The following IL7 variants were observed in gnomAD, a reference collection of about 807,000 sequenced individuals.
IL7 encodes the protein interleukin-7.
Under a neutral mutation model 21.6 loss-of-function variants are expected in IL7, and 3 were observed. That is an observed-to-expected ratio of 0.14 (90% CI 0.06 to 0.36). The LOEUF (loss-of-function observed/expected upper bound fraction) is 0.36, where lower values mean the gene tolerates loss of function less well. Ranked by LOEUF, IL7 falls within the 10% of genes least tolerant of loss-of-function variation. IL7 has a pLI of 1.00. For missense variants in IL7, 175 were observed against 200.2 expected (o/e 0.87, Z 0.76); for synonymous variants, 62 against 68.1 (o/e 0.91, Z 0.44).
intron 4 of IL7, among the ~76,000 whole-genome samples, chr8:78,681,192 A>G (rs894135729): frequency 1.3e-5 from 2 of 152,136 alleles, no homozygotes; most frequent in African/African-American, 4.8e-5. Context: ...GAGAGCTGCT[A>G]GTTTGTATAG....
chr8:78,744,781 G>T (rs901908497), intron 2 of IL7, among the ~76,000 whole-genome samples: 11 of 152,174 alleles, frequency 7.2e-5, no homozygotes, highest in African/African-American at 2.7e-4. Flanking sequence ...GTATCTCTGT[G>T]TATTAGACTG....
intron 3 of IL7, chr8:78,686,455 A>G (rs1563625717): frequency 7.3e-7 from 1 of 1,367,316 alleles, no homozygotes; most frequent in South Asian, 1.9e-5. Flanking sequence ...TTATTTATTT[A>G]TTTATTTATA....
chr8:78,699,486 T>C (rs1328565872), intron 3 of IL7, among the ~76,000 whole-genome samples: 2 of 152,072 alleles, frequency 1.3e-5, no homozygotes, highest in African/African-American at 4.8e-5. Flanking sequence ...AACTTTTAAG[T>C]TCAGGGATAC....
intron 2 of IL7, among the ~76,000 whole-genome samples, chr8:78,788,535 T>G (rs1326255005): frequency 6.6e-6 from 1 of 152,220 alleles, no homozygotes; most frequent in African/African-American, 2.4e-5. Context: ...ATTTTCCACC[T>G]ATTTTTCTTA....
At chr8:78,799,682 G>C (rs958271203) in intron 1 of IL7, among the ~76,000 whole-genome samples, 3 of 151,788 alleles carry the variant, frequency 2.0e-5, no homozygotes, top group African/African-American at 7.3e-5. Flanking sequence ...TATCCAAAAA[G>C]TTCTGCAAGT....
At chr8:78,798,581 A>G (rs144000796) in intron 1 of IL7, among the ~76,000 whole-genome samples, 186 of 152,124 alleles carry the variant, frequency 1.2e-3, no homozygotes, top group Non-Finnish European at 8.4e-4. Context: ...AGAGTTACAT[A>G]TTGTTGGAAT....
chr8:78,785,641 C>A (rs1230651009), intron 2 of IL7, among the ~76,000 whole-genome samples: 1 of 152,110 alleles, frequency 6.6e-6, no homozygotes, highest in Non-Finnish European at 1.5e-5. Context: ...TCTGTTTCTT[C>A]GTGTCTGCCC....
chr8:78,701,368 GC>G (rs1462927409), intron 3 of IL7, among the ~76,000 whole-genome samples: 3 of 152,148 alleles, frequency 2.0e-5, no homozygotes, highest in Non-Finnish European at 4.4e-5. Flanking sequence ...TGCTAAAGTT[GC>G]TTATCAGGTT....
At chr8:78,797,093 C>A (rs1348144586) in intron 2 of IL7, among the ~76,000 whole-genome samples, 1 of 151,788 alleles carries the variant, frequency 6.6e-6, no homozygotes, top group African/African-American at 2.4e-5. Flanking sequence ...AAATATCAAA[C>A]CACAAAAAAT....
At chr8:78,755,891 C>G (rs1217334107) in intron 2 of IL7, among the ~76,000 whole-genome samples, 1 of 152,036 alleles carries the variant, frequency 6.6e-6, no homozygotes, top group African/African-American at 2.4e-5. Context: ...TAAAAGTGGG[C>G]ATCCTTGTCT....
chr8:78,743,821 T>C, intron 2 of IL7, among the ~76,000 whole-genome samples: 1 of 152,138 alleles, frequency 6.6e-6, no homozygotes, highest in East Asian at 1.9e-4. Context: ...TGGCACAATT[T>C]GGCCAATTTT....
chr8:78,788,446 T>A (rs1813583577), intron 2 of IL7, among the ~76,000 whole-genome samples: 1 of 152,166 alleles, frequency 6.6e-6, no homozygotes, highest in East Asian at 1.9e-4. Flanking sequence ...ATTCAAAATA[T>A]TTTAAAATTT....
chr8:78,761,754 C>G, intron 2 of IL7: 2 of 1,612,030 alleles, frequency 1.2e-6, no homozygotes, highest in Non-Finnish European at 8.5e-7. Flanking sequence ...AACGTGTTAA[C>G]TGCTGTTGTC....
chr8:78,762,041 T>C (rs1812578359), intron 2 of IL7: 3 of 1,601,910 alleles, frequency 1.9e-6, no homozygotes, highest in Non-Finnish European at 2.6e-6. Context: ...GGTTTCTTTA[T>C]GTTTTTGTTC....
At chr8:78,746,831 T>C in intron 2 of IL7, 1 of 346,314 alleles carries the variant, frequency 2.9e-6, no homozygotes, top group Non-Finnish European at 5.6e-6. Context: ...GATCAACTAA[T>C]TGTCCAAAAA....
At chr8:78,687,920 AT>A (rs1219432756) in intron 3 of IL7, among the ~76,000 whole-genome samples, 2 of 125,792 alleles carry the variant, frequency 1.6e-5, no homozygotes, top group African/African-American at 5.6e-5. Flanking sequence ...TAAATATATA[AT>A]TATTTATATC....
intron 3 of IL7, among the ~76,000 whole-genome samples, chr8:78,709,128 C>CT (rs1810876109): frequency 6.6e-6 from 1 of 152,146 alleles, no homozygotes; most frequent in African/African-American, 2.4e-5. Flanking sequence ...AATAGTGAAA[C>CT]TATCAAATAT....
chr8:78,782,978 G>A (rs1813390733), intron 2 of IL7, among the ~76,000 whole-genome samples: 1 of 152,194 alleles, frequency 6.6e-6, no homozygotes, highest in African/African-American at 2.4e-5. Context: ...TGCCACAGCT[G>A]CTGTGTTGCA....
intron 3 of IL7, chr8:78,686,450 T>TATTC: frequency 7.4e-7 from 1 of 1,351,934 alleles, no homozygotes; most frequent in Non-Finnish European, 9.6e-7. Context: ...TTTATTTATT[T>TATTC]ATTTATTTAT....
Sources: gnomAD v4.1 joint callset for allele counts (sites outside exome capture counted in the v4.1 genomes callset) on GRCh38, gnomAD v4.1.1 for gene constraint, MANE v1.5 for transcripts, NCBI Gene and HGNC (gene_info 2026-07-23, HGNC 2026-07-21) for gene names.